The following SLC10A7 variants were observed in gnomAD, a reference collection of about 807,000 sequenced individuals.
SLC10A7 encodes the protein solute carrier family 10 member 7, also known as sodium/bile acid cotransporter 7.
A neutral mutation model predicts 43.2 loss-of-function variants in SLC10A7; 29 were observed. The ratio of observed to expected loss-of-function variants is 0.67; its 90% CI spans 0.50 to 0.92. The LOEUF (loss-of-function observed/expected upper bound fraction) is 0.92. Ranked by LOEUF, SLC10A7 falls within the 40% of genes least tolerant of loss-of-function variation. SLC10A7 has a pLI of 0.00. For missense variants in SLC10A7, 295 were observed against 403.2 expected (o/e 0.73, Z 2.30); for synonymous variants, 152 against 144.8 (o/e 1.05, Z -0.35).
chr4:146,286,704 C>CTGGAGTGGTGAGAAGGACTGAGTT lies in SLC10A7; in HGVS notation c.774-3463_774-3440dup, dbSNP rs1578789018. On this transcript the variant is annotated intron_variant, in intron 9 of 11. Coordinates refer to ENST00000335472, the MANE Select transcript of SLC10A7 (RefSeq NM_001029998.6). ...TCTGGAGTGGTGAGGAGGACTGTGT[C>CTGGAGTGGTGAGAAGGACTGAGTT]TGGAGTGGTGAGAAGGACTGAGTTT... Among the ~76,000 whole-genome samples the CTGGAGTGGTGAGAAGGACTGAGTT allele has an allele frequency of 1.4e-4, 5 of 36,472 alleles. No individual in the cohort carries two copies. In the South Asian group the frequency reaches 3.8e-3, roughly 27 times the overall value. The allele number at this position is 36,472 out of a possible 152,430, so 23.9% of individuals were successfully genotyped here.
In SLC10A7 at chr4:146,501,375, T is replaced by C. The variant is rs1458725100; in HGVS notation, c.396+2474A>G. Among the ~76,000 whole-genome samples, 4 of 152,214 alleles carry C rather than the reference T, an allele frequency of 2.6e-5. No individual in the cohort carries two copies. The East Asian group carries it at 7.7e-4, about 29-fold the overall frequency. On this transcript the variant is annotated intron_variant, in intron 4 of 11. Coordinates refer to ENST00000335472, the MANE Select transcript of SLC10A7 (RefSeq NM_001029998.6). ...GGCTGACATTACAAGTATTCACTAA[T>C]GTCAGTTCCTTTCTCCTTCAGGGCA...
At chr4:146,421,465 C>A (rs1167226072) in intron 5 of SLC10A7, among the ~76,000 whole-genome samples, 1 of 152,114 alleles carries the variant, frequency 6.6e-6, no homozygotes, top group Admixed American at 6.5e-5. Flanking sequence ...CAGGCCATTT[C>A]TCCCAGTATA....
intron 5 of SLC10A7, among the ~76,000 whole-genome samples, chr4:146,430,204 T>C (rs1189178100): frequency 6.6e-6 from 1 of 151,972 alleles, no homozygotes; most frequent in African/African-American, 2.4e-5. Context: ...TGAAAGACAC[T>C]GGATGGGCGG....
At chr4:146,295,698 G>A (rs1730736897) in intron 7 of SLC10A7, among the ~76,000 whole-genome samples, 1 of 151,956 alleles carries the variant, frequency 6.6e-6, no homozygotes, top group African/African-American at 2.4e-5. Context: ...TCATTTAAAG[G>A]GTCATTTCAT....
intron 5 of SLC10A7, among the ~76,000 whole-genome samples, chr4:146,359,974 A>G (rs1392881868): frequency 1.3e-5 from 2 of 152,118 alleles, no homozygotes; most frequent in African/African-American, 4.8e-5. Flanking sequence ...TGACTCATCC[A>G]CAGCCACAGA....
At chr4:146,467,297 A>T (rs1733113643) in intron 4 of SLC10A7, among the ~76,000 whole-genome samples, 2 of 152,006 alleles carry the variant, frequency 1.3e-5, no homozygotes, top group South Asian at 4.1e-4. Flanking sequence ...TTCCACTGTC[A>T]GTTTCCTGTT....
chr4:146,332,657 G>T (rs1733616034), intron 5 of SLC10A7, among the ~76,000 whole-genome samples: 2 of 152,152 alleles, frequency 1.3e-5, no homozygotes, highest in Non-Finnish European at 2.9e-5. Flanking sequence ...TGTATAGCCT[G>T]CAGAACCATA....
intron 4 of SLC10A7, among the ~76,000 whole-genome samples, chr4:146,455,777 T>G (rs1412808256): frequency 1.3e-5 from 2 of 151,944 alleles, no homozygotes; most frequent in Non-Finnish European, 2.9e-5. Context: ...GATCAAACAG[T>G]GCACAATCTC....
intron 5 of SLC10A7, among the ~76,000 whole-genome samples, chr4:146,352,967 A>AC (rs1243048328): frequency 4.1e-5 from 6 of 145,950 alleles, no homozygotes; most frequent in Admixed American, 4.1e-4. Context: ...TAACATCACA[A>AC]TTAAAAGAAC....
At chr4:146,328,777 G>C (rs1578896846) in intron 5 of SLC10A7, among the ~76,000 whole-genome samples, 1 of 151,992 alleles carries the variant, frequency 6.6e-6, no homozygotes, top group East Asian at 1.9e-4. Context: ...CAAAGCCAAG[G>C]CAACCTACCA....
chr4:146,350,335 A>G (rs1177744104), intron 5 of SLC10A7, among the ~76,000 whole-genome samples: 10 of 151,206 alleles, frequency 6.6e-5, no homozygotes, highest in Non-Finnish European at 1.2e-4. Flanking sequence ...GGCTTAAAAA[A>G]CGGCGCACCA....
Position 146,517,057 on chromosome 4 carries a change from C to G in SLC10A7, c.164G>C (p.Gly55Ala). The change falls in exon 2 of 12, where the codon GGA (glycine) becomes GCA (alanine). Residue 55 changes from glycine (G) to alanine (A), a missense_variant. Around this residue, in one of 2 missense-constraint regions of SLC10A7, gnomAD observed 242 missense variants for 362.5 expected, o/e 0.67. Transcript: ENST00000335472. ...CAGTACCTCTGTTTTCAATGATAGT[C>G]CACTGTTAAAGAATATTGTTGCAAC... is the stretch of plus-strand genomic sequence containing the variant. Reference protein sequence around the residue: ...IAVATIFFNSGLSLKTEELTS... With the variant: ...IAVATIFFNSALSLKTEELTS... 6.2e-7 allele frequency: 1 copy of G among 1,606,580 alleles called. No individual in the cohort carries two copies. Among genetic ancestry groups the G allele is most frequent in the South Asian group, 1.1e-5 (1 of 90,112 alleles).
rs556950861 is a variant in SLC10A7, at chr4:146,518,246, T to C, written c.101-1126A>G. On this transcript the variant is annotated intron_variant, in intron 1 of 11. Coordinates refer to ENST00000335472, the MANE Select transcript of SLC10A7 (RefSeq NM_001029998.6). Reference sequence around the variant, plus strand: ...CTGAGAAAATGACATTTTATACCTATATAGCAGTGGTTCTCCAGCAGTAGA... The same window carrying C: ...CTGAGAAAATGACATTTTATACCTACATAGCAGTGGTTCTCCAGCAGTAGA... Among the ~76,000 whole-genome samples, 38 of 152,340 alleles carry C rather than the reference T, an allele frequency of 2.5e-4. 1 individual carries two copies. The South Asian group carries it at 4.1e-3, about 17-fold the overall frequency.
At chr4:146,334,086 A>G (rs772094824) in intron 5 of SLC10A7, among the ~76,000 whole-genome samples, 1 of 152,098 alleles carries the variant, frequency 6.6e-6, no homozygotes, top group African/African-American at 2.4e-5. Context: ...ATTCTTGACC[A>G]AACAGGAGAT....
chr4:146,384,789 A>C (rs985239183), intron 5 of SLC10A7, among the ~76,000 whole-genome samples: 5 of 152,130 alleles, frequency 3.3e-5, no homozygotes, highest in African/African-American at 1.2e-4. Flanking sequence ...TAGGTCATGA[A>C]GGAAAACATG....
chr4:146,441,845 T>C (rs1730626920), intron 5 of SLC10A7: 1 of 985,114 alleles, frequency 1.0e-6, no homozygotes, highest in African/African-American at 1.7e-5. Flanking sequence ...GAATTAACAC[T>C]ATGTAACAAC....
intron 9 of SLC10A7, among the ~76,000 whole-genome samples, chr4:146,290,058 C>T (rs975892888): frequency 6.7e-6 from 1 of 148,692 alleles, no homozygotes; most frequent in African/African-American, 2.4e-5. Flanking sequence ...GGCGTGGTGG[C>T]TCACGCCTGT....
chr4:146,367,398 T>C (rs1042544616), intron 5 of SLC10A7, among the ~76,000 whole-genome samples: 1 of 152,168 alleles, frequency 6.6e-6, no homozygotes, highest in Non-Finnish European at 1.5e-5. Context: ...AGGTGGCTAG[T>C]GCAACTAAGG....
Position 146,271,820 on chromosome 4 carries a change from T to C in SLC10A7, c.847+11372A>G, listed in dbSNP as rs150855444. On this transcript the variant is annotated intron_variant, in intron 10 of 11. Transcript: ENST00000335472. ...CAAGCGCACTGCTGCCTCAGGTCTTTGCCTTCACTGTTCCTTCTCCTTGGA... is the reference window on the plus strand; with the variant it reads ...CAAGCGCACTGCTGCCTCAGGTCTTCGCCTTCACTGTTCCTTCTCCTTGGA... Among the ~76,000 whole-genome samples, 173 of 152,320 alleles carry C rather than the reference T, an allele frequency of 1.1e-3. 2 individuals are homozygous for C. Among genetic ancestry groups the C allele is most frequent in the Middle Eastern group, 3.4e-3 (1 of 294 alleles).
Sources: allele counts gnomAD v4.1 joint callset (sites outside exome capture counted in the v4.1 genomes callset), GRCh38; gene constraint gnomAD v4.1.1; regional missense constraint gnomAD v4.1.1; transcripts MANE v1.5; gene names NCBI Gene and HGNC (gene_info 2026-07-23, HGNC 2026-07-21).